The following EMC3 variants were observed in gnomAD, a reference collection of about 807,000 sequenced individuals.
EMC3 encodes the protein ER membrane protein complex subunit 3.
Under a neutral mutation model 36.6 loss-of-function variants are expected in EMC3, and 13 were observed. The ratio of observed to expected loss-of-function variants is 0.35; its 90% CI spans 0.23 to 0.56. EMC3 has a LOEUF of 0.56. Ranked by LOEUF, EMC3 falls within the 20% of genes least tolerant of loss-of-function variation. EMC3 has a pLI of 0.84. For synonymous variants in EMC3, 120 were observed against 111.9 expected, an observed-to-expected ratio of 1.07 and a Z score of -0.46; for missense variants, 220 against 324.5, an observed-to-expected ratio of 0.68 and a Z score of 2.47.
rs139565027 is a variant in EMC3 at position 9,991,922 on chromosome 3, T to C, written c.-241-5020A>G. 3.8e-3 allele frequency among the ~76,000 whole-genome samples: 580 copies of C among 152,254 alleles called. 17 individuals are homozygous for C. The East Asian group carries it at 0.058, about 15-fold the overall frequency. On this transcript the variant is annotated intron_variant, in intron 1 of 8. Coordinates refer to the EMC3 transcript ENST00000470827. ...ATGTGCAGCCTAGATCCTGCGCATGTGCAGTTCACAATGGGGTTTGCGCTC... is the reference window on the plus strand; with the variant it reads ...ATGTGCAGCCTAGATCCTGCGCATGCGCAGTTCACAATGGGGTTTGCGCTC...
intron 1 of EMC3, among the ~76,000 whole-genome samples, chr3:10,000,130 C>T (rs1482773628): frequency 1.3e-5 from 2 of 152,054 alleles, no homozygotes; most frequent in Non-Finnish European, 2.9e-5. Context: ...GCACCTCTGC[C>T]TTCCGGGTTC....
chr3:9,966,716 A>G (rs1056239349), intron 7 of EMC3, among the ~76,000 whole-genome samples: 1 of 151,986 alleles, frequency 6.6e-6, no homozygotes, highest in African/African-American at 2.4e-5. Context: ...CTGGGATTAC[A>G]GGCAGGCACC....
At chr3:9,994,897 C>T (rs2124930042) in intron 1 of EMC3, among the ~76,000 whole-genome samples, 1 of 152,126 alleles carries the variant, frequency 6.6e-6, no homozygotes, top group South Asian at 2.1e-4. Flanking sequence ...AGCATATATC[C>T]AGAGAGAGAG....
rs761023207 is a variant in EMC3 at position 9,969,742 on chromosome 3, C to A, written c.634G>T (p.Ala212Ser). Residue 212 changes from alanine (A) to serine (S), a missense_variant, in exon 7 of 8, where the codon GCA becomes TCA. Around this residue, in one of 3 missense-constraint regions of EMC3, gnomAD observed 56 missense variants for 117.0 expected, o/e 0.48. Coordinates refer to ENST00000245046, the MANE Select transcript of EMC3 (RefSeq NM_001394674.1). ...ACCTTGAAAGCTTTGTTTGTGTCTG[C>A]GGGCATGGCCATGGCTGCTCCCGTC... ...QMTGAAMAMP[A>S]DTNKAFKTEW... 2.5e-6 allele frequency: 4 copies of A among 1,614,030 alleles called. No individual in the cohort carries two copies. Among genetic ancestry groups the A allele is most frequent in the Non-Finnish European group, 3.4e-6 (4 of 1,180,030 alleles).
At chr3:10,000,152 T>C (rs951476107) in intron 1 of EMC3, among the ~76,000 whole-genome samples, 1 of 152,004 alleles carries the variant, frequency 6.6e-6, no homozygotes, top group African/African-American at 2.4e-5. Context: ...AGCAGTTCTC[T>C]CTCAGCCTCC....
chr3:9,984,773 G>C (rs1357670247), intron 1 of EMC3, among the ~76,000 whole-genome samples: 2 of 152,174 alleles, frequency 1.3e-5, no homozygotes, highest in East Asian at 1.9e-4. Flanking sequence ...GAAAGATAAA[G>C]TGATCGCTGT....
rs1166036635 is a variant in EMC3, at chr3:9,974,574, T to G, written c.308-86A>C. 8.6e-6 allele frequency: 8 copies of G among 932,642 alleles called. No homozygotes were observed. In the East Asian group the frequency reaches 2.0e-4, roughly 24 times the overall value. The allele number at this position is 932,642 out of a possible 1,614,324, so 57.8% of individuals were successfully genotyped here. On this transcript the variant is annotated intron_variant, in intron 3 of 7. Transcript: ENST00000245046. ...CCTGATTTTCTGTAAACTGTTTTTT[T>G]TTGAGACGGAGTCCCGCTCTGTCGC...
intron 1 of EMC3, among the ~76,000 whole-genome samples, chr3:9,993,623 G>A (rs1226811178): frequency 1.3e-5 from 2 of 152,078 alleles, no homozygotes; most frequent in Admixed American, 6.6e-5. Context: ...ATTTTTCATT[G>A]CATTTTCCCC....
chr3:10,000,640 T>C, intron 1 of EMC3: 1 of 475,794 alleles, frequency 2.1e-6, no homozygotes, highest in South Asian at 1.5e-5. Context: ...TGGCCAATTA[T>C]TACTCATTAG....
intron 1 of EMC3, among the ~76,000 whole-genome samples, chr3:9,994,813 T>G (rs2086103445): frequency 6.6e-6 from 1 of 152,068 alleles, no homozygotes. Flanking sequence ...CTCAGGTGAT[T>G]CACCTGCCTC....
intron 1 of EMC3, among the ~76,000 whole-genome samples, chr3:9,993,253 A>G (rs1355252694): frequency 6.6e-6 from 1 of 152,370 alleles, no homozygotes; most frequent in East Asian, 1.9e-4. Flanking sequence ...TGTAGAAACT[A>G]GTAGAAACGT....
chr3:9,986,701 T>C lies in EMC3; in HGVS notation c.-40A>G. 1 of 1,610,242 alleles carries C rather than the reference T, an allele frequency of 6.2e-7. No homozygotes were observed. Among genetic ancestry groups the C allele is most frequent in the Non-Finnish European group, 8.5e-7 (1 of 1,177,570 alleles). ...GGTTCCCAGTCTGGAATGGGCGAGCTTCTCTTCTCCGGGGCACAGTTGCTT... is the reference window on the plus strand; with the variant it reads ...GGTTCCCAGTCTGGAATGGGCGAGCCTCTCTTCTCCGGGGCACAGTTGCTT... On this transcript the variant is annotated 5_prime_UTR_variant, in exon 1 of 8. Coordinates refer to ENST00000245046, the MANE Select transcript of EMC3 (RefSeq NM_001394674.1).
At chr3:9,969,571 A>AAG in intron 7 of EMC3, 148 bp downstream of exon 7, 1 of 1,525,660 alleles carries the variant, frequency 6.6e-7, no homozygotes, top group Non-Finnish European at 8.8e-7. Context: ...TGTCTCAGGA[A>AAG]AGAGAGACGT....
At chr3:9,995,873 A>T (rs2086117485) in intron 1 of EMC3, among the ~76,000 whole-genome samples, 1 of 152,098 alleles carries the variant, frequency 6.6e-6, no homozygotes, top group African/African-American at 2.4e-5. Context: ...AAAAAAAAGC[A>T]AATGATAGAT....
chr3:10,006,980 C>T (rs1038348126), intron 1 of EMC3: 1 of 287,596 alleles, frequency 3.5e-6, no homozygotes, highest in Non-Finnish European at 6.9e-6. Flanking sequence ...AAAATGGTTA[C>T]TGATAAGTGA....
chr3:10,003,352 T>C (rs1575705309), intron 1 of EMC3: 1 of 375,504 alleles, frequency 2.7e-6, no homozygotes, highest in East Asian at 7.3e-5. Flanking sequence ...TTTGCCTGTG[T>C]CCACCGCCGA....
chr3:9,986,042 A>G (rs1483313159), intron 1 of EMC3, among the ~76,000 whole-genome samples: 1 of 152,198 alleles, frequency 6.6e-6, no homozygotes, highest in African/African-American at 2.4e-5. Context: ...GGTACTTGGC[A>G]TCTCAGCTGA....
intron 1 of EMC3, chr3:10,004,475 A>G (rs1307259734): frequency 3.3e-5 from 5 of 152,282 alleles, no homozygotes; most frequent in Admixed American, 6.5e-5. Context: ...GCGGTCCACT[A>G]TCAGACCACA....
chr3:10,006,002 G>A (rs908904308), intron 1 of EMC3, among the ~76,000 whole-genome samples: 1 of 152,192 alleles, frequency 6.6e-6, no homozygotes, highest in African/African-American at 2.4e-5. Flanking sequence ...CCAGATGTCA[G>A]GGCAGAAGAC....
Sources: gnomAD v4.1 joint callset for allele counts (sites outside exome capture counted in the v4.1 genomes callset) on GRCh38, gnomAD v4.1.1 for gene constraint, gnomAD v4.1.1 regional missense constraint, MANE v1.5 for transcripts, NCBI Gene and HGNC (gene_info 2026-07-23, HGNC 2026-07-21) for gene names.